Variants in PLPPR1 observed in about 807,000 individuals in gnomAD.
The protein encoded by PLPPR1 is phospholipid phosphatase-related protein type 1.
In PLPPR1, 10 loss-of-function variants were observed where a neutral mutation model predicts 33.1. That is an observed-to-expected ratio of 0.30 (90% CI 0.19 to 0.51). PLPPR1 has a LOEUF of 0.51. Among genes scored for constraint, PLPPR1 ranks in the 20% least tolerant of loss-of-function variants. The pLI, the probability that PLPPR1 is intolerant of heterozygous loss-of-function variation, is 0.97. For synonymous variants in PLPPR1, 151 were observed against 151.0 expected (o/e 1.00, Z 0.00); for missense variants, 304 against 408.1 (o/e 0.74, Z 2.20).
At chr9:101,281,492 T>C (rs1169443052) in intron 3 of PLPPR1, among the ~76,000 whole-genome samples, 1 of 152,082 alleles carries the variant, frequency 6.6e-6, no homozygotes, top group African/African-American at 2.4e-5. Flanking sequence ...GGAATCATAT[T>C]ACCTGACTTC....
At chr9:101,043,003 C>T (rs1830094471) in intron 1 of PLPPR1, among the ~76,000 whole-genome samples, 1 of 151,952 alleles carries the variant, frequency 6.6e-6, no homozygotes, top group Admixed American at 6.6e-5. Flanking sequence ...TTGGTTTGCC[C>T]ATCACCGGAG....
chr9:101,141,099 A>G (rs1831445994), intron 1 of PLPPR1, among the ~76,000 whole-genome samples: 1 of 152,190 alleles, frequency 6.6e-6, no homozygotes, highest in Admixed American at 6.6e-5. Context: ...TATTCTTTCA[A>G]TATGAATTCC....
chr9:101,056,461 A>G (rs114694772), intron 1 of PLPPR1, among the ~76,000 whole-genome samples: 1,835 of 152,308 alleles, frequency 0.012, 32 homozygotes, highest in African/African-American at 0.042. Context: ...GGCCACACTA[A>G]CAGTGCCCCC....
chr9:101,087,307 GAA>G (rs1830690962), intron 1 of PLPPR1, among the ~76,000 whole-genome samples: 1 of 152,088 alleles, frequency 6.6e-6, no homozygotes, highest in Non-Finnish European at 1.5e-5. Context: ...TTTAAGAAAG[GAA>G]ATTTTTAATT....
chr9:101,191,125 C>T (rs1826290211), intron 2 of PLPPR1, among the ~76,000 whole-genome samples: 1 of 152,034 alleles, frequency 6.6e-6, no homozygotes, highest in Non-Finnish European at 1.5e-5. Context: ...CAAGGTAGTC[C>T]ACAATGATAT....
chr9:101,166,064 A>C (rs1413847484), intron 1 of PLPPR1, among the ~76,000 whole-genome samples: 1 of 152,298 alleles, frequency 6.6e-6, no homozygotes, highest in African/African-American at 2.4e-5. Flanking sequence ...TCTATAATTT[A>C]CTATTCTTAG....
At chr9:101,308,029 A>G (rs75265462) in intron 4 of PLPPR1, among the ~76,000 whole-genome samples, 7,318 of 152,292 alleles carry the variant, frequency 0.048, 538 homozygotes, top group African/African-American at 0.16. Flanking sequence ...GGAATTTACC[A>G]GAGAACAAAT....
chr9:101,266,412 G>GAAAAAA (rs56136707), intron 2 of PLPPR1, among the ~76,000 whole-genome samples: 1 of 133,710 alleles, frequency 7.5e-6, no homozygotes, highest in Non-Finnish European at 1.5e-5. Flanking sequence ...AAAAAAGAAA[G>GAAAAAA]AAAGAAAGAA....
chr9:101,308,312 G>A (rs768036292), intron 4 of PLPPR1, among the ~76,000 whole-genome samples: 6 of 152,176 alleles, frequency 3.9e-5, no homozygotes, highest in Admixed American at 1.3e-4. Context: ...GATGTGAAGT[G>A]CTGGAAAGAG....
At chr9:101,321,208 C>A (rs1416264649) in intron 7 of PLPPR1, among the ~76,000 whole-genome samples, 2 of 152,184 alleles carry the variant, frequency 1.3e-5, no homozygotes, top group African/African-American at 4.8e-5. Context: ...TGAAATCCAT[C>A]CCACTATTCA....
chr9:101,206,011 G>A (rs10989425), intron 2 of PLPPR1, among the ~76,000 whole-genome samples: 18,622 of 152,248 alleles, frequency 0.12, 1,381 homozygotes, highest in East Asian at 0.28. Flanking sequence ...AGACAGTCAT[G>A]AGGGTGGGGA....
chr9:101,185,605 A>C (rs1426966665), intron 2 of PLPPR1, 48 bp downstream of exon 2: 3 of 1,199,268 alleles, frequency 2.5e-6, no homozygotes, highest in African/African-American at 1.5e-5. Flanking sequence ...TAAAAGTAAC[A>C]GTTTTTATTC....
At chr9:101,323,830 A>T (rs922159507) in intron 7 of PLPPR1, among the ~76,000 whole-genome samples, 195 bp from the exon 8 acceptor site, 1 of 151,916 alleles carries the variant, frequency 6.6e-6, no homozygotes, top group African/African-American at 2.4e-5. Flanking sequence ...CAATTGTGAA[A>T]CTCCGTCTCA....
At chr9:101,310,738 A>G (rs1280266512) in intron 5 of PLPPR1, among the ~76,000 whole-genome samples, 4 of 152,254 alleles carry the variant, frequency 2.6e-5, no homozygotes, top group African/African-American at 9.6e-5. Flanking sequence ...TTTATTTAAA[A>G]CAACCAGGAG....
At chr9:101,165,274 A>C (rs897165548) in intron 1 of PLPPR1, among the ~76,000 whole-genome samples, 3 of 152,196 alleles carry the variant, frequency 2.0e-5, no homozygotes, top group Non-Finnish European at 4.4e-5. Flanking sequence ...CATTGACATA[A>C]TGTTGCCTGT....
At chr9:101,166,847 G>A (rs1025564980) in intron 1 of PLPPR1, among the ~76,000 whole-genome samples, 1 of 151,948 alleles carries the variant, frequency 6.6e-6, no homozygotes, top group Admixed American at 6.6e-5. Context: ...CTGCGTAGCA[G>A]TGCAGGCAAA....
intron 2 of PLPPR1, chr9:101,187,311 G>T (rs927939981): frequency 6.6e-6 from 1 of 151,850 alleles, no homozygotes; most frequent in Non-Finnish European, 1.5e-5. Context: ...TTTATTGCTG[G>T]AAGCTGTAGT....
chr9:101,091,609 T>C (rs956130773), intron 1 of PLPPR1, among the ~76,000 whole-genome samples: 4 of 152,184 alleles, frequency 2.6e-5, no homozygotes, highest in African/African-American at 7.2e-5. Context: ...ACCATGATAA[T>C]GTAGGATAAT....
In PLPPR1 at chr9:101,324,097, T is replaced by C. The variant is rs1829207128; in HGVS notation, c.*40T>C. The C allele has an allele frequency of 6.4e-7, 1 of 1,566,096 alleles. No individual in the cohort carries two copies. The highest frequency in any genetic ancestry group is 8.8e-7 in the Non-Finnish European group (1 of 1,137,778). On this transcript the variant is annotated 3_prime_UTR_variant, in exon 8 of 8. Coordinates refer to ENST00000374874, the MANE Select transcript of PLPPR1 (RefSeq NM_207299.2). ...CACAAGCTGTTTTTTAAAATCATCTTCCAATTCTATACTTCAAAACACACA... is the reference window on the plus strand; with the variant it reads ...CACAAGCTGTTTTTTAAAATCATCTCCCAATTCTATACTTCAAAACACACA...
Sources: allele counts gnomAD v4.1 joint callset (sites outside exome capture counted in the v4.1 genomes callset), GRCh38; gene constraint gnomAD v4.1.1; transcripts MANE v1.5; gene names NCBI Gene and HGNC (gene_info 2026-07-23, HGNC 2026-07-21).